SORCS1: variants seen among roughly 807,000 people sequenced by gnomAD.
SORCS1 encodes sortilin related VPS10 domain containing receptor 1, also known as VPS10 domain-containing receptor SorCS1.
Under a neutral mutation model 146.1 loss-of-function variants are expected in SORCS1, and 60 were observed. That is an observed-to-expected ratio of 0.41 (90% CI 0.33 to 0.51). The LOEUF is 0.51. Ranked by LOEUF, SORCS1 falls within the 20% of genes least tolerant of loss-of-function variation. The pLI is 0.21. For synonymous variants in SORCS1, 637 were observed against 584.0 expected (o/e 1.09, Z -1.31); for missense variants, 1,352 against 1,487.6 (o/e 0.91, Z 1.50).
intron 3 of SORCS1, among the ~76,000 whole-genome samples, chr10:106,786,670 G>A (rs537374981): frequency 2.0e-5 from 3 of 151,424 alleles, no homozygotes; most frequent in Non-Finnish European, 3.0e-5. Flanking sequence ...GCATGCACAC[G>A]CACACACACA....
chr10:107,038,719 A>G (rs1295476115), intron 1 of SORCS1, among the ~76,000 whole-genome samples: 2 of 151,126 alleles, frequency 1.3e-5, no homozygotes, highest in African/African-American at 4.9e-5. Flanking sequence ...GGTAGTGGTG[A>G]GGACTAAATG....
intron 1 of SORCS1, among the ~76,000 whole-genome samples, chr10:107,034,738 G>A (rs1958822905): frequency 7.6e-6 from 1 of 131,916 alleles, no homozygotes; most frequent in Admixed American, 8.1e-5. Flanking sequence ...AAGCCTCTCT[G>A]CAGCTCCATC....
At chr10:106,964,081 G>A (rs1471698192) in intron 1 of SORCS1, among the ~76,000 whole-genome samples, 1 of 152,196 alleles carries the variant, frequency 6.6e-6, no homozygotes, top group Non-Finnish European at 1.5e-5. Flanking sequence ...AAAGGGTACT[G>A]CAAGGAAAGG....
At chr10:106,996,805 A>G (rs1306811353) in intron 1 of SORCS1, among the ~76,000 whole-genome samples, 1 of 152,186 alleles carries the variant, frequency 6.6e-6, no homozygotes, top group East Asian at 1.9e-4. Context: ...CCAATTTGTA[A>G]GAGACTTAAA....
chr10:106,997,434 C>A (rs1957044768), intron 1 of SORCS1, among the ~76,000 whole-genome samples: 2 of 152,308 alleles, frequency 1.3e-5, no homozygotes, highest in South Asian at 4.1e-4. Flanking sequence ...TTGACAACAT[C>A]TGGACTATAC....
intron 2 of SORCS1, among the ~76,000 whole-genome samples, chr10:106,858,530 C>A (rs1949878258): frequency 6.8e-6 from 1 of 147,956 alleles, no homozygotes; most frequent in Non-Finnish European, 1.5e-5. Context: ...ATGGTGTGAA[C>A]CCAGGAGGCG....
At chr10:106,785,261 A>G (rs1271349762) in intron 3 of SORCS1, among the ~76,000 whole-genome samples, 1 of 152,210 alleles carries the variant, frequency 6.6e-6, no homozygotes, top group Non-Finnish European at 1.5e-5. Flanking sequence ...AAGAGACTAG[A>G]AGTTGACATT....
intron 1 of SORCS1, chr10:106,970,264 C>T (rs1231063909): frequency 6.7e-6 from 1 of 149,530 alleles, no homozygotes; most frequent in Non-Finnish European, 1.5e-5. Flanking sequence ...TGTCATTGTT[C>T]AAACTAAGAA....
chr10:107,179,348 A>C, the SORCS1 span, among the ~76,000 whole-genome samples: 1 of 152,164 alleles, frequency 6.6e-6, no homozygotes, highest in African/African-American at 2.4e-5. Context: ...ATCATTCCAC[A>C]ATGCATACAT....
chr10:106,955,787 T>C (rs1264725873), intron 2 of SORCS1, among the ~76,000 whole-genome samples: 1 of 151,740 alleles, frequency 6.6e-6, no homozygotes, highest in Non-Finnish European at 1.5e-5. Context: ...GGTCGGAAGT[T>C]CAAGATCAGC....
intron 8 of SORCS1, among the ~76,000 whole-genome samples, chr10:106,701,284 T>C (rs999393758): frequency 2.6e-5 from 4 of 152,170 alleles, no homozygotes; most frequent in Admixed American, 1.3e-4. Flanking sequence ...CTCTCAGATA[T>C]ATTTCTATAT....
At chr10:106,709,735 A>C (rs1589712105) in intron 6 of SORCS1, among the ~76,000 whole-genome samples, 1 of 152,168 alleles carries the variant, frequency 6.6e-6, no homozygotes, top group South Asian at 2.1e-4. Context: ...GGCGTGAGCC[A>C]CCGCGCCCAG....
chr10:106,883,256 G>A (rs1278728316), intron 2 of SORCS1, among the ~76,000 whole-genome samples: 1 of 152,058 alleles, frequency 6.6e-6, no homozygotes, highest in African/African-American at 2.4e-5. Flanking sequence ...TGACGGGTGA[G>A]GTTTATAAGT....
At chr10:106,635,467 A>G (rs1848675098) in intron 18 of SORCS1, among the ~76,000 whole-genome samples, 1 of 152,236 alleles carries the variant, frequency 6.6e-6, no homozygotes, top group African/African-American at 2.4e-5. Context: ...TTGTGCGAGT[A>G]CAGAGAAAGG....
chr10:106,641,290 G>T (rs568123131), intron 18 of SORCS1, among the ~76,000 whole-genome samples: 1 of 152,248 alleles, frequency 6.6e-6, no homozygotes, highest in African/African-American at 2.4e-5. Flanking sequence ...TATGCTATTT[G>T]CAGGAAAGAA....
At chr10:106,748,758 G>C (rs1857933062) in intron 5 of SORCS1, among the ~76,000 whole-genome samples, 1 of 152,132 alleles carries the variant, frequency 6.6e-6, no homozygotes, top group African/African-American at 2.4e-5. Context: ...GTGTGTGAGT[G>C]TGTGTAACAA....
chr10:106,956,860 T>C (rs1954969096), intron 1 of SORCS1, among the ~76,000 whole-genome samples: 1 of 152,132 alleles, frequency 6.6e-6, no homozygotes, highest in Admixed American at 6.5e-5. Flanking sequence ...TTTAGCGCTT[T>C]TAGGGAAGGC....
intron 1 of SORCS1, among the ~76,000 whole-genome samples, chr10:107,104,588 A>T (rs1479354753): frequency 1.3e-5 from 2 of 152,228 alleles, no homozygotes; most frequent in South Asian, 4.1e-4. Flanking sequence ...AGAAAAAAAA[A>T]GCATGTTTAA....
intron 2 of SORCS1, among the ~76,000 whole-genome samples, chr10:106,923,352 G>T (rs944063451): frequency 1.3e-5 from 2 of 151,978 alleles, no homozygotes; most frequent in Non-Finnish European, 2.9e-5. Context: ...TTTCTTTTTA[G>T]CTGAATAATA....
Sources: allele counts gnomAD v4.1 joint callset (sites outside exome capture counted in the v4.1 genomes callset), GRCh38; gene constraint gnomAD v4.1.1; transcripts MANE v1.5; gene names NCBI Gene and HGNC (gene_info 2026-07-23, HGNC 2026-07-21).